The following MYO1E variants were observed in gnomAD, a reference collection of about 807,000 sequenced individuals.
The protein encoded by MYO1E is myosin IE.
Under a neutral mutation model 151.1 loss-of-function variants are expected in MYO1E, and 68 were observed. That is an observed-to-expected ratio of 0.45 (90% confidence interval 0.37 to 0.55). The LOEUF (loss-of-function observed/expected upper bound fraction) is 0.55. MYO1E is among the 20% of genes least tolerant of loss of function. The pLI, the probability that MYO1E is intolerant of heterozygous loss-of-function variation, is 0.00. For missense variants in MYO1E, 1,363 were observed against 1,389.3 expected, an observed-to-expected ratio of 0.98 and a Z score of 0.30; for synonymous variants, 601 against 501.7, an observed-to-expected ratio of 1.20 and a Z score of -2.64.
intron 18 of MYO1E, among the ~76,000 whole-genome samples, chr15:59,186,412 A>G (rs1376207072): frequency 6.6e-6 from 1 of 152,000 alleles, no homozygotes; most frequent in East Asian, 1.9e-4. Context: ...TTTTAAAAAA[A>G]AAAACATTAT....
intron 1 of MYO1E, among the ~76,000 whole-genome samples, chr15:59,358,839 G>A (rs2140439421): frequency 6.6e-6 from 1 of 152,168 alleles, no homozygotes; most frequent in African/African-American, 2.4e-5. Context: ...AGTAAAAGCA[G>A]GTTTACGACC....
chr15:59,178,345 G>A (rs377194056), intron 19 of MYO1E, 48 bp downstream of exon 19: 375 of 1,607,874 alleles, frequency 2.3e-4, no homozygotes, highest in Middle Eastern at 1.4e-3. Flanking sequence ...CAGGGCTGGC[G>A]GGGGCCCCGC....
At chr15:59,207,790 A>G (rs761478620) in intron 14 of MYO1E, 3 of 1,614,198 alleles carry the variant, frequency 1.9e-6, no homozygotes, top group South Asian at 2.2e-5. Flanking sequence ...CAAAGAAGTG[A>G]CTGCAACTGC....
In MYO1E at chr15:59,262,890, T is replaced by G. The variant is rs1430312739; in HGVS notation, c.148-1381A>C. 4.6e-5 allele frequency among the ~76,000 whole-genome samples: 7 copies of G among 152,080 alleles called. 1 individual carries two copies. Among genetic ancestry groups the G allele is most frequent in the Non-Finnish European group, 8.8e-5 (6 of 68,010 alleles). ...ATTATTCATTCAACAATCAACTAAT[T>G]TGAATTGGGTGCTTACTTAACATGC... On this transcript the variant is annotated intron_variant, in intron 2 of 27. Coordinates refer to ENST00000288235, the MANE Select transcript of MYO1E (RefSeq NM_004998.4).
At chr15:59,268,038 A>C (rs1379318546) in intron 2 of MYO1E, among the ~76,000 whole-genome samples, 2 of 152,216 alleles carry the variant, frequency 1.3e-5, no homozygotes, top group Admixed American at 1.3e-4. Context: ...TAGATATAGA[A>C]GGGATAAAGT....
At chr15:59,194,690 G>A (rs2079755209) in intron 17 of MYO1E, among the ~76,000 whole-genome samples, 2 of 152,150 alleles carry the variant, frequency 1.3e-5, no homozygotes, top group Admixed American at 6.5e-5. Context: ...TCCTTCCCAT[G>A]CTTCTATGGA....
In MYO1E at chr15:59,216,643, A is replaced by AGTGTGTGTGT. The variant is rs1301548766; in HGVS notation, c.1107+1238_1107+1247dup. 7.8e-4 allele frequency among the ~76,000 whole-genome samples: 34 copies of AGTGTGTGTGT among 43,478 alleles called. 4 individuals are homozygous for AGTGTGTGTGT. Among genetic ancestry groups the AGTGTGTGTGT allele is most frequent in the South Asian group, 2.1e-3 (3 of 1,396 alleles). 28.5% of individuals were successfully genotyped at this position (43,478 alleles called of 152,430 possible). ...CTATCTTTTGGATCGAAGGGCCCCC[A>AGTGTGTGTGT]GTGTGTGTGTGTGTGTGTATGTGTA... On this transcript the variant is annotated intron_variant, in intron 10 of 27. Coordinates refer to ENST00000288235, the MANE Select transcript of MYO1E (RefSeq NM_004998.4).
intron 1 of MYO1E, among the ~76,000 whole-genome samples, chr15:59,284,326 G>GC (rs1215655069): frequency 6.6e-6 from 1 of 152,192 alleles, no homozygotes; most frequent in Admixed American, 6.5e-5. Context: ...GTTCCTATTT[G>GC]CCCCCAACTC....
intron 8 of MYO1E, among the ~76,000 whole-genome samples, chr15:59,223,509 T>C (rs187168625): frequency 9.2e-4 from 140 of 152,266 alleles, no homozygotes; most frequent in Non-Finnish European, 1.3e-3. Context: ...AATAAGAGAA[T>C]ACTCCAGGAG....
At chr15:59,308,602 G>A (rs2080530098) in intron 1 of MYO1E, among the ~76,000 whole-genome samples, 1 of 151,326 alleles carries the variant, frequency 6.6e-6, no homozygotes, top group South Asian at 2.1e-4. Context: ...AACCCGGGAG[G>A]TGGAGGTTGC....
chr15:59,361,426 C>T (rs980314740), intron 1 of MYO1E, among the ~76,000 whole-genome samples: 2 of 152,138 alleles, frequency 1.3e-5, no homozygotes, highest in Admixed American at 6.5e-5. Context: ...GTCAGTGGGA[C>T]TCACTATTGA....
At chr15:59,337,874 A>G (rs1408818378) in intron 1 of MYO1E, among the ~76,000 whole-genome samples, 2 of 152,222 alleles carry the variant, frequency 1.3e-5, no homozygotes, top group African/African-American at 2.4e-5. Context: ...CTTATAGGAC[A>G]AAGTAAAATC....
intron 14 of MYO1E, chr15:59,206,965 C>T (rs766463782): frequency 1.9e-6 from 3 of 1,613,482 alleles, no homozygotes; most frequent in East Asian, 2.2e-5. Context: ...GCCTGTTGTG[C>T]GGGCCAGCCA....
At chr15:59,335,127 G>T (rs1034926387) in intron 1 of MYO1E, among the ~76,000 whole-genome samples, 1 of 152,178 alleles carries the variant, frequency 6.6e-6, no homozygotes, top group Non-Finnish European at 1.5e-5. Flanking sequence ...CATTCTTGTG[G>T]CATCTAAGCC....
intron 26 of MYO1E, among the ~76,000 whole-genome samples, chr15:59,147,615 A>AG (rs55778227): frequency 6.8e-6 from 1 of 147,794 alleles, no homozygotes; most frequent in Non-Finnish European, 1.5e-5. Context: ...AAAAAAAAAA[A>AG]CAATACAAAA....
intron 1 of MYO1E, among the ~76,000 whole-genome samples, chr15:59,328,002 T>C (rs1397638268): frequency 2.0e-5 from 3 of 152,158 alleles, no homozygotes; most frequent in African/African-American, 7.2e-5. Context: ...GAGGAGATGG[T>C]GGGCCCAACA....
chr15:59,322,326 GATA>G (rs2080631857), intron 1 of MYO1E, among the ~76,000 whole-genome samples: 1 of 152,084 alleles, frequency 6.6e-6, no homozygotes, highest in Non-Finnish European at 1.5e-5. Flanking sequence ...TAAAGTAAAA[GATA>G]ATGTGTTTTG....
At chr15:59,250,719 G>C (rs1042753299) in intron 4 of MYO1E, among the ~76,000 whole-genome samples, 27 of 152,132 alleles carry the variant, frequency 1.8e-4, no homozygotes, top group Non-Finnish European at 1.9e-4. Context: ...GCAGTCTACC[G>C]AGGAGGCCTG....
chr15:59,139,420 C>T (rs764439611), intron 26 of MYO1E, among the ~76,000 whole-genome samples: 16 of 146,292 alleles, frequency 1.1e-4, no homozygotes, highest in Non-Finnish European at 2.1e-4. Context: ...TTACTCCTCA[C>T]ACTTCCCTCC....
Sources: gnomAD v4.1 joint callset for allele counts (sites outside exome capture counted in the v4.1 genomes callset) on GRCh38, gnomAD v4.1.1 for gene constraint, MANE v1.5 for transcripts, NCBI Gene and HGNC (gene_info 2026-07-23, HGNC 2026-07-21) for gene names.